Variants in LAMA4 observed in about 807,000 individuals in gnomAD.
LAMA4 encodes laminin subunit alpha-4.
Under a neutral mutation model 207.1 loss-of-function variants are expected in LAMA4, and 127 were observed. That is an observed-to-expected ratio of 0.61 (90% CI 0.53 to 0.71). The LOEUF is 0.71. Ranked by LOEUF, LAMA4 falls within the 30% of genes least tolerant of loss-of-function variation. The pLI is 0.00. For missense variants in LAMA4, 2,093 were observed against 2,246.5 expected, an observed-to-expected ratio of 0.93 and a Z score of 1.38; for synonymous variants, 761 against 816.0, an observed-to-expected ratio of 0.93 and a Z score of 1.15.
At chr6:112,190,918 TCTTTCTTTCTTTCTTTCTTTCTTTCTTTC>T (rs1554348522) in intron 6 of LAMA4, among the ~76,000 whole-genome samples, 13 of 100,726 alleles carry the variant, frequency 1.3e-4, no homozygotes, top group South Asian at 4.6e-4. Context: ...TTTCTTTCTT[TCTTTCTTTCTTTCTTTCTTTCTTTCTTTC>T]CTTTCTTTCT....
At chr6:112,210,631 C>T (rs782365430) in intron 3 of LAMA4, among the ~76,000 whole-genome samples, 9 of 152,044 alleles carry the variant, frequency 5.9e-5, no homozygotes, top group Non-Finnish European at 1.0e-4. Context: ...TAAGTATGCC[C>T]AGGGAGGTCA....
At chr6:112,192,568 T>A (rs1554349468) in intron 5 of LAMA4, among the ~76,000 whole-genome samples, 2 of 152,218 alleles carry the variant, frequency 1.3e-5, no homozygotes, top group Non-Finnish European at 2.9e-5. Context: ...TATGCGCACC[T>A]ACAGAGGCCA....
intron 18 of LAMA4, among the ~76,000 whole-genome samples, chr6:112,147,477 T>C (rs1000223880): frequency 6.6e-6 from 1 of 152,156 alleles, no homozygotes; most frequent in Non-Finnish European, 1.5e-5. Context: ...AAAGTTCTAG[T>C]CATGATTTGT....
intron 16 of LAMA4, among the ~76,000 whole-genome samples, chr6:112,150,999 TTTC>T (rs2114756567): frequency 6.6e-6 from 1 of 152,330 alleles, no homozygotes; most frequent in African/African-American, 2.4e-5. Flanking sequence ...TAATCCTTGT[TTTC>T]TTATTTGTTT....
intron 9 of LAMA4, among the ~76,000 whole-genome samples, chr6:112,182,305 C>T (rs1285148672): frequency 6.6e-6 from 1 of 152,048 alleles, no homozygotes; most frequent in Admixed American, 6.6e-5. Context: ...GCACATCCCC[C>T]TATATATATT....
At chr6:112,168,117 G>A (rs1554340637) in intron 12 of LAMA4, among the ~76,000 whole-genome samples, 1 of 150,370 alleles carries the variant, frequency 6.7e-6, no homozygotes, top group Non-Finnish European at 1.5e-5. Context: ...AGAATGGCAC[G>A]AACCCGGGAG....
At chr6:112,145,625 C>T in intron 18 of LAMA4, among the ~76,000 whole-genome samples, 1 of 152,296 alleles carries the variant, frequency 6.6e-6, no homozygotes, top group Non-Finnish European at 1.5e-5. Context: ...CTACATCCCT[C>T]AAGTGTTCTT....
chr6:112,235,875 G>A (rs1785883422), intron 2 of LAMA4, among the ~76,000 whole-genome samples: 2 of 152,174 alleles, frequency 1.3e-5, no homozygotes, highest in Admixed American at 6.5e-5. Flanking sequence ...AAAGAAATGG[G>A]ATGCATGATT....
At chr6:112,128,724 A>G (rs1340356948) in intron 31 of LAMA4, among the ~76,000 whole-genome samples, 198 bp downstream of exon 31, 1 of 152,172 alleles carries the variant, frequency 6.6e-6, no homozygotes, top group Admixed American at 6.6e-5. Context: ...CATTTCAATA[A>G]AAAATAAAAA....
chr6:112,189,249 G>A (rs782172481), intron 6 of LAMA4, 44 bp from the exon 7 acceptor site: 1 of 1,358,602 alleles, frequency 7.4e-7, no homozygotes, highest in South Asian at 1.2e-5. Flanking sequence ...ACTTCTTAAT[G>A]CTTAAAATAT....
At chr6:112,171,120 T>C (rs1554341578) in intron 12 of LAMA4, among the ~76,000 whole-genome samples, 2 of 152,184 alleles carry the variant, frequency 1.3e-5, no homozygotes, top group Non-Finnish European at 2.9e-5. Context: ...GGTACACATA[T>C]ATAAGGCAGA....
rs781852936 is a variant in LAMA4, at chr6:112,117,122, C to T, written c.4981+617G>A. Among the ~76,000 whole-genome samples the T allele has an allele frequency of 1.3e-5, 2 of 152,068 alleles. No individual in the cohort carries two copies. Among genetic ancestry groups the T allele is most frequent in the Non-Finnish European group, 2.9e-5 (2 of 68,018 alleles). On this transcript the variant is annotated intron_variant, in intron 35 of 38. Transcript: ENST00000230538. This position sits in a 1 kb window ranked among gnomAD's most constrained non-coding sequence, Gnocchi z 4.5. The stretch of plus-strand genomic sequence containing the variant: ...ACTTATTCTGGTGTCTTCCTCACAC[C>T]CAGCGATTGCTCCATAGAATATTCT...
At position 112,175,394 on chromosome 6, in the gene LAMA4, T is replaced by C. The variant is rs782479589; in HGVS notation, c.1276A>G (p.Met426Val). 6.2e-7 allele frequency: 1 copy of C among 1,614,206 alleles called. No individual in the cohort carries two copies. The highest frequency in any genetic ancestry group is 1.1e-5 in the South Asian group (1 of 91,090). Residue 426 changes from methionine (M) to valine (V), a missense_variant, in exon 11 of 39, where the codon ATG (methionine) becomes GTG (valine). Met to Val is a conservative substitution (Grantham distance 21). Coordinates refer to ENST00000230538, the MANE Select transcript of LAMA4 (RefSeq NM_001105206.3). ...TGACGGCTTCTAATCTCTTCAAGCA[T>C]CTTCTGGGCCAACACCAGCTTCTCA... ...ISEKLVLAQKMLEEIRSRQPF... is the reference protein window; with the variant it reads ...ISEKLVLAQKVLEEIRSRQPF...
At chr6:112,113,259 A>C (rs1021574733) in intron 38 of LAMA4, among the ~76,000 whole-genome samples, 2 of 152,222 alleles carry the variant, frequency 1.3e-5, no homozygotes, top group Non-Finnish European at 2.9e-5. Flanking sequence ...CATTGTATAC[A>C]GGTATCAAAA....
At chr6:112,227,870 G>A (rs1379250417) in intron 2 of LAMA4, among the ~76,000 whole-genome samples, 3 of 152,050 alleles carry the variant, frequency 2.0e-5, no homozygotes, top group Non-Finnish European at 4.4e-5. Context: ...CTACATGTCC[G>A]AGGCTACATG....
chr6:112,121,551 T>C lies in LAMA4; in HGVS notation c.4475+463A>G, dbSNP rs587621529. On this transcript the variant is annotated intron_variant, in intron 32 of 38. Coordinates refer to ENST00000230538, the MANE Select transcript of LAMA4 (RefSeq NM_001105206.3). Reference sequence around the variant, plus strand: ...TCAGATAACCTGGAGATTTGTGAAATACTGGAAAGAGGCGATGGGGTTGGA... The same window carrying C: ...TCAGATAACCTGGAGATTTGTGAAACACTGGAAAGAGGCGATGGGGTTGGA... Among the ~76,000 whole-genome samples, 4 of 152,358 alleles carry C rather than the reference T, an allele frequency of 2.6e-5. No individual in the cohort carries two copies. In the South Asian group the frequency reaches 8.3e-4, roughly 32 times the overall value.
At chr6:112,148,030 T>G in intron 18 of LAMA4, 127 bp downstream of exon 18, 1 of 828,400 alleles carries the variant, frequency 1.2e-6, no homozygotes, top group Non-Finnish European at 2.0e-6. Flanking sequence ...TTTCTTTTTC[T>G]AAGCTAACTT....
At chr6:112,214,887 T>C (rs1461987260) in intron 3 of LAMA4, among the ~76,000 whole-genome samples, 1 of 152,246 alleles carries the variant, frequency 6.6e-6, no homozygotes, top group African/African-American at 2.4e-5. Context: ...AAAGAGTGGC[T>C]TAGTCATTTC....
chr6:112,112,672 G>A lies in LAMA4; in HGVS notation c.5326+1404C>T, dbSNP rs114230960. Among the ~76,000 whole-genome samples, 382 of 150,088 alleles carry A rather than the reference G, an allele frequency of 2.5e-3. 1 individual carries two copies. The highest frequency in any genetic ancestry group is 8.8e-3 in the African/African-American group (356 of 40,452). On this transcript the variant is annotated intron_variant, in intron 38 of 38. Coordinates refer to ENST00000230538, the MANE Select transcript of LAMA4 (RefSeq NM_001105206.3). ...TGGAAGCAGGAGACAAAGGAGAAGA[G>A]TTGCTTTGCGAGGGTCTCAAATATT...
Sources: gnomAD v4.1 joint callset for allele counts (sites outside exome capture counted in the v4.1 genomes callset) on GRCh38, gnomAD v4.1.1 for gene constraint, Gnocchi (gnomAD v3.1) non-coding constraint, MANE v1.5 for transcripts, NCBI Gene and HGNC (gene_info 2026-07-23, HGNC 2026-07-21) for gene names.